Variants in CEP350 observed in about 807,000 individuals in gnomAD.
CEP350 encodes centrosome-associated protein 350.
In CEP350, 126 loss-of-function variants were observed where a neutral mutation model predicts 331.8. The ratio of observed to expected loss-of-function variants is 0.38; its 90% CI spans 0.33 to 0.44. The LOEUF is 0.44. CEP350 is among the 20% of genes least tolerant of loss of function. The pLI is 1.00. For synonymous variants in CEP350, 1,200 were observed against 1,259.5 expected (o/e 0.95, Z 1.00); for missense variants, 3,406 against 3,634.6 (o/e 0.94, Z 1.62).
intron 13 of CEP350, 134 bp from the exon 14 acceptor site, chr1:180,024,285 A>C: frequency 1.4e-6 from 1 of 722,884 alleles, no homozygotes; most frequent in Non-Finnish European, 2.0e-6. Context: ...GGTTAAAAAA[A>C]AATAATAAAG....
chr1:179,962,106 C>T (rs926194098), intron 1 of CEP350, among the ~76,000 whole-genome samples: 1 of 152,124 alleles, frequency 6.6e-6, no homozygotes, highest in African/African-American at 2.4e-5. Flanking sequence ...CTTGGCCTCC[C>T]AAGGTACTGG....
rs1208720455 is a variant in CEP350, at chr1:180,094,282, A to G, written c.8177A>G (p.Glu2726Gly). 10 of 1,613,500 alleles carry G rather than the reference A, an allele frequency of 6.2e-6. No individual in the cohort carries two copies. The highest frequency in any genetic ancestry group is 1.7e-5 in the Admixed American group (1 of 59,932). ...CCACTTCTGGATCTTTTAACAAGAG[A>G]AAAAAACCAACTGGAAGCCCAGCTG... is the stretch of plus-strand genomic sequence containing the variant. ...CTPLLDLLTREKNQLEAQLKS... is the reference protein window; with the variant it reads ...CTPLLDLLTRGKNQLEAQLKS... Residue 2726 changes from glutamate (E) to glycine (G), a missense_variant, in exon 34 of 38, where the codon GAA becomes GGA. Transcript: ENST00000367607.
chr1:180,090,743 TA>T lies in CEP350; in HGVS notation c.6457del (p.Thr2153GlnfsTer40). The T allele has an allele frequency of 6.4e-7, 1 of 1,553,894 alleles. No homozygotes were observed. Among genetic ancestry groups the T allele is most frequent in the Non-Finnish European group, 8.7e-7 (1 of 1,147,954 alleles). On this transcript the variant is annotated frameshift_variant, in exon 33 of 38. Coordinates refer to ENST00000367607, the MANE Select transcript of CEP350 (RefSeq NM_014810.5). LOFTEE classifies it high-confidence loss of function. ...RSETAKNWKSLTESERSRGSL... is the reference protein window; with the variant it reads ...RSETAKNWKSXTESERSRGSL... Reference sequence around the variant, plus strand: ...GAAACGGCAAAGAATTGGAAATCACTAACAGAGTCAGAACGTTCCAGAGGAT... The same window carrying T: ...GAAACGGCAAAGAATTGGAAATCACTACAGAGTCAGAACGTTCCAGAGGAT...
At chr1:179,974,716 C>G (rs992275211) in intron 1 of CEP350, among the ~76,000 whole-genome samples, 13 of 152,082 alleles carry the variant, frequency 8.5e-5, no homozygotes, top group African/African-American at 3.1e-4. Flanking sequence ...CAGAGGCCAA[C>G]CATGGTAGCT....
At chr1:180,005,681 C>G (rs779829861) in intron 7 of CEP350, among the ~76,000 whole-genome samples, 29 of 152,198 alleles carry the variant, frequency 1.9e-4, no homozygotes, top group Non-Finnish European at 3.5e-4. Context: ...GAAATTCTTA[C>G]AGTGGCCTAG....
intron 26 of CEP350, among the ~76,000 whole-genome samples, chr1:180,063,448 C>G (rs1383381136): frequency 6.6e-6 from 1 of 151,882 alleles, no homozygotes; most frequent in Non-Finnish European, 1.5e-5. Context: ...CTGCCTCAGC[C>G]TCCCAGAGTG....
At chr1:179,959,886 G>T (rs1033811889) in intron 1 of CEP350, among the ~76,000 whole-genome samples, 1 of 144,380 alleles carries the variant, frequency 6.9e-6, no homozygotes, top group African/African-American at 2.5e-5. Context: ...AAGTAAACCC[G>T]TAGGCTAGAT....
At chr1:179,974,464 T>C (rs1454509114) in intron 1 of CEP350, among the ~76,000 whole-genome samples, 2 of 152,032 alleles carry the variant, frequency 1.3e-5, no homozygotes, top group East Asian at 3.8e-4. Context: ...TGTTGATCTC[T>C]AGATGGGTAA....
In CEP350 at chr1:180,041,296, T is replaced by C. The variant is rs762316517; in HGVS notation, c.4221+48T>C. 2.0e-5 allele frequency: 27 copies of C among 1,317,946 alleles called. No individual in the cohort carries two copies. In the East Asian group the frequency reaches 6.3e-4, roughly 31 times the overall value. 81.6% of individuals were successfully genotyped at this position (1,317,946 alleles called of 1,614,324 possible). On this transcript the variant is annotated intron_variant, in intron 18 of 37. Coordinates refer to ENST00000367607, the MANE Select transcript of CEP350 (RefSeq NM_014810.5). ...CTTGTTTTTTAAACCTAAATTTGTATCTTAGAAATTACTTTAGCGTTCTTT... is the reference window on the plus strand; with the variant it reads ...CTTGTTTTTTAAACCTAAATTTGTACCTTAGAAATTACTTTAGCGTTCTTT...
At position 180,022,093 on chromosome 1, in the gene CEP350, A is replaced by G. The variant is rs544312018; in HGVS notation, c.3236-605A>G. ...ACTGGGTATCACATTGCTTTTTCCT[A>G]GAATTCATATTTAGGTATTTCTTAA... On this transcript the variant is annotated intron_variant, in intron 12 of 37. Transcript: ENST00000367607. 1.1e-3 allele frequency among the ~76,000 whole-genome samples: 175 copies of G among 152,304 alleles called. 4 individuals are homozygous for G. In the South Asian group the frequency reaches 0.035, roughly 30 times the overall value.
At chr1:180,026,713 T>C (rs1213356328) in intron 14 of CEP350, among the ~76,000 whole-genome samples, 10 of 152,246 alleles carry the variant, frequency 6.6e-5, no homozygotes, top group African/African-American at 2.4e-4. Flanking sequence ...AGTGGAATAA[T>C]AGAGTATTTG....
chr1:180,060,830 A>G (rs930055364), intron 25 of CEP350, among the ~76,000 whole-genome samples: 3 of 152,166 alleles, frequency 2.0e-5, no homozygotes, highest in Admixed American at 6.5e-5. Context: ...ATTTTTAAAC[A>G]TACAAACCAA....
intron 1 of CEP350, among the ~76,000 whole-genome samples, chr1:179,966,451 G>T (rs931805340): frequency 6.6e-6 from 1 of 152,112 alleles, no homozygotes; most frequent in African/African-American, 2.4e-5. Context: ...GTATAAGCTG[G>T]AAGGTGTAGT....
At position 180,020,500 on chromosome 1, in the gene CEP350, A is replaced by T. The variant is rs1476839121; in HGVS notation, c.2726A>T (p.Asp909Val). ...GTATCTCATGCAACTTTTGATGATG[A>T]TCTTCCTGGTGTAGGCAATCTTAGT... ...SCVSHATFDD[D>V]LPGVGNLSEF... The change falls in exon 12 of 38, where the codon GAT becomes GTT. Residue 909 changes from aspartate (D) to valine (V), a missense_variant. Transcript: ENST00000367607. 6.2e-7 allele frequency: 1 copy of T among 1,613,980 alleles called. No homozygotes were observed. The highest frequency in any genetic ancestry group is 8.5e-7 in the Non-Finnish European group (1 of 1,179,892).
chr1:180,054,386 T>A (rs1312661188), intron 24 of CEP350, 29 bp from the exon 25 acceptor site: 2 of 1,500,748 alleles, frequency 1.3e-6, no homozygotes, highest in Non-Finnish European at 1.8e-6. Flanking sequence ...TAATCAAATC[T>A]TTGTCTCAAT....
chr1:179,966,412 G>T (rs974147829), intron 1 of CEP350, among the ~76,000 whole-genome samples: 1 of 152,060 alleles, frequency 6.6e-6, no homozygotes, highest in Non-Finnish European at 1.5e-5. Flanking sequence ...GTAAGCATTT[G>T]CTGCTTCTGA....
At chr1:179,976,494 C>G (rs909271365) in intron 1 of CEP350, among the ~76,000 whole-genome samples, 1 of 151,734 alleles carries the variant, frequency 6.6e-6, no homozygotes, top group Non-Finnish European at 1.5e-5. Flanking sequence ...ATTTGAGATT[C>G]ATTTCCAGTA....
At chr1:180,099,812 G>T (rs1480137098) in intron 37 of CEP350, among the ~76,000 whole-genome samples, 2 of 129,082 alleles carry the variant, frequency 1.5e-5, no homozygotes, top group African/African-American at 6.2e-5. Context: ...TTGAGACACA[G>T]TCTCGCTCTG....
intron 1 of CEP350, among the ~76,000 whole-genome samples, chr1:179,967,145 G>A (rs542653398): frequency 2.4e-4 from 37 of 152,212 alleles, no homozygotes; most frequent in African/African-American, 7.9e-4. Context: ...CTCTATTTTT[G>A]TATGATAAGT....
Sources: allele counts gnomAD v4.1 joint callset (sites outside exome capture counted in the v4.1 genomes callset), GRCh38; gene constraint gnomAD v4.1.1; transcripts MANE v1.5; gene names NCBI Gene and HGNC (gene_info 2026-07-23, HGNC 2026-07-21).